The following RBFOX1 variants were observed in gnomAD, a reference collection of about 807,000 sequenced individuals.
RBFOX1 encodes RNA binding protein fox-1 homolog 1.
RBFOX1 carries 8 observed loss-of-function variants against 57.7 expected under a neutral mutation model. The ratio of observed to expected loss-of-function variants is 0.14; its 90% confidence interval spans 0.08 to 0.25. The LOEUF (loss-of-function observed/expected upper bound fraction) is 0.25. RBFOX1 is among the 10% of genes least tolerant of loss of function. The pLI, the probability that RBFOX1 is intolerant of heterozygous loss-of-function variation, is 1.00. For missense variants in RBFOX1, 611 were observed against 548.5 expected (o/e 1.11, Z -1.14); for synonymous variants, 326 against 222.4 (o/e 1.47, Z -4.15).
intron 2 of RBFOX1, among the ~76,000 whole-genome samples, chr16:6,601,992 G>C (rs2097858975): frequency 6.6e-6 from 1 of 152,112 alleles, no homozygotes; most frequent in Admixed American, 6.6e-5. Flanking sequence ...TGTCAGGTAG[G>C]ACAGGGGATG....
At chr16:6,908,953 C>A (rs928372001) in intron 3 of RBFOX1, among the ~76,000 whole-genome samples, 3 of 152,148 alleles carry the variant, frequency 2.0e-5, no homozygotes, top group African/African-American at 7.2e-5. Context: ...GTGCTTCCCC[C>A]CAACACGCTC....
At chr16:6,211,208 A>AGGGGGGGGGGGGGGGG (rs2097295353) in intron 1 of RBFOX1, among the ~76,000 whole-genome samples, 1 of 62,844 alleles carries the variant, frequency 1.6e-5, no homozygotes, top group Admixed American at 2.0e-4. Flanking sequence ...TTTTTTGGTT[A>AGGGGGGGGGGGGGGGG]GTGCCTGAAA....
intron 3 of RBFOX1, among the ~76,000 whole-genome samples, chr16:7,001,132 T>C (rs2092751942): frequency 6.6e-6 from 1 of 152,192 alleles, no homozygotes. Context: ...CCTTCATTTT[T>C]TTCCAGTTTT....
intron 4 of RBFOX1, among the ~76,000 whole-genome samples, chr16:7,385,495 G>C (rs2097860120): frequency 6.6e-6 from 1 of 152,322 alleles, no homozygotes; most frequent in East Asian, 1.9e-4. Flanking sequence ...AGTAATGGAG[G>C]TATCTCAAAT....
intron 4 of RBFOX1, among the ~76,000 whole-genome samples, chr16:5,989,361 C>T (rs944435454): frequency 1.3e-5 from 2 of 151,640 alleles, no homozygotes; most frequent in Non-Finnish European, 2.9e-5. Context: ...ACAAAAAAAC[C>T]CCAAAAAACT....
chr16:6,904,621 A>G lies in RBFOX1; in HGVS notation c.-15-147436A>G, dbSNP rs1038856226. Among the ~76,000 whole-genome samples, 5 of 150,984 alleles carry G rather than the reference A, an allele frequency of 3.3e-5. No homozygotes were observed. In the South Asian group the frequency reaches 6.3e-4, roughly 19 times the overall value. On this transcript the variant is annotated intron_variant, in intron 3 of 15. Coordinates refer to ENST00000550418, the MANE Select transcript of RBFOX1 (RefSeq NM_018723.4). ...CTCTAAAAAAAAAAAAAAAAAAAAA[A>G]AAAAAAAGAAGAAGAAGAAAGAAAA...
At chr16:6,931,335 A>G (rs11077112) in intron 3 of RBFOX1, among the ~76,000 whole-genome samples, 2 of 105,916 alleles carry the variant, frequency 1.9e-5, no homozygotes, top group African/African-American at 6.8e-5. Context: ...CTATCTATCT[A>G]TCTCTACACA....
chr16:6,879,278 C>T (rs2062439605), intron 3 of RBFOX1, among the ~76,000 whole-genome samples: 1 of 152,244 alleles, frequency 6.6e-6, no homozygotes, highest in Non-Finnish European at 1.5e-5. Context: ...AGCCAGTTTT[C>T]TGAAGGGCAG....
intron 10 of RBFOX1, among the ~76,000 whole-genome samples, chr16:7,614,062 T>C (rs1175264204): frequency 6.6e-6 from 1 of 152,164 alleles, no homozygotes; most frequent in Admixed American, 6.5e-5. Context: ...CCCTCTTGGC[T>C]CCAACACTTT....
intron 3 of RBFOX1, among the ~76,000 whole-genome samples, chr16:6,869,279 C>G (rs1327787316): frequency 2.0e-5 from 3 of 152,106 alleles, no homozygotes; most frequent in Non-Finnish European, 4.4e-5. Context: ...TCATAAGAAC[C>G]TTATCAAGTA....
chr16:7,519,094 A>G (rs745759742), intron 5 of RBFOX1, among the ~76,000 whole-genome samples: 1 of 152,206 alleles, frequency 6.6e-6, no homozygotes, highest in Non-Finnish European at 1.5e-5. Context: ...TTTTAGGTGT[A>G]CAGTTCACTG....
chr16:6,796,158 C>T (rs996489804), intron 3 of RBFOX1, among the ~76,000 whole-genome samples: 1 of 151,994 alleles, frequency 6.6e-6, no homozygotes, highest in Non-Finnish European at 1.5e-5. Context: ...TGGTGGCGGA[C>T]AAGAGAAGAG....
At chr16:5,486,675 C>A (rs2042638552) in intron 2 of RBFOX1, among the ~76,000 whole-genome samples, 1 of 152,134 alleles carries the variant, frequency 6.6e-6, no homozygotes, top group South Asian at 2.1e-4. Context: ...TGTGCCCTGT[C>A]TATGTAGGAA....
intron 4 of RBFOX1, among the ~76,000 whole-genome samples, chr16:7,406,739 A>G (rs2098346965): frequency 2.6e-5 from 4 of 152,212 alleles, no homozygotes; most frequent in Admixed American, 2.6e-4. Context: ...ACAACATCAC[A>G]GAGTGACTCT....
chr16:5,462,438 G>C (rs886311964), intron 1 of RBFOX1, among the ~76,000 whole-genome samples: 1 of 152,062 alleles, frequency 6.6e-6, no homozygotes, highest in Non-Finnish European at 1.5e-5. Flanking sequence ...AAAGTGCTGG[G>C]ATTACAGGCG....
intron 4 of RBFOX1, among the ~76,000 whole-genome samples, chr16:7,456,228 C>T (rs557510423): frequency 4.6e-5 from 7 of 152,302 alleles, no homozygotes; most frequent in East Asian, 1.9e-4. Context: ...AGTTCCTCCA[C>T]GTTAGGACCC....
intron 3 of RBFOX1, among the ~76,000 whole-genome samples, chr16:6,842,474 G>GTGTT (rs996367014): frequency 6.6e-6 from 1 of 151,986 alleles, no homozygotes; most frequent in Non-Finnish European, 1.5e-5. Context: ...ATGAATGTGT[G>GTGTT]TGTTTGTTTA....
intron 4 of RBFOX1, among the ~76,000 whole-genome samples, chr16:7,177,427 T>G (rs1200246313): frequency 6.6e-6 from 1 of 151,858 alleles, no homozygotes; most frequent in Non-Finnish European, 1.5e-5. Flanking sequence ...CCTTAAACAT[T>G]CTATGCATGT....
intron 1 of RBFOX1, among the ~76,000 whole-genome samples, chr16:5,335,183 C>G (rs1036896217): frequency 7.4e-6 from 1 of 134,762 alleles, no homozygotes; most frequent in Non-Finnish European, 1.6e-5. Context: ...GTTCACCTCT[C>G]TGCAATTTAA....
Sources: allele counts gnomAD v4.1 joint callset (sites outside exome capture counted in the v4.1 genomes callset), GRCh38; gene constraint gnomAD v4.1.1; transcripts MANE v1.5; gene names NCBI Gene and HGNC (gene_info 2026-07-23, HGNC 2026-07-21).